FER1L6: variants seen among roughly 807,000 people sequenced by gnomAD.
FER1L6 encodes the protein fer-1 like family member 6, also known as fer-1-like protein 6.
In FER1L6, 177 loss-of-function variants were observed where a neutral mutation model predicts 219.2. The ratio of observed to expected loss-of-function variants is 0.81; its 90% CI spans 0.71 to 0.91. The LOEUF (loss-of-function observed/expected upper bound fraction) is 0.91. Ranked by LOEUF, FER1L6 falls within the 40% of genes least tolerant of loss-of-function variation. The pLI, the probability that FER1L6 is intolerant of heterozygous loss-of-function variation, is 0.00. For missense variants in FER1L6, 2,153 were observed against 2,259.9 expected, an observed-to-expected ratio of 0.95 and a Z score of 0.96; for synonymous variants, 768 against 824.3, an observed-to-expected ratio of 0.93 and a Z score of 1.17.
At chr8:124,095,706 C>T (rs111468519) in intron 35 of FER1L6, among the ~76,000 whole-genome samples, 2 of 152,062 alleles carry the variant, frequency 1.3e-5, no homozygotes, top group Non-Finnish European at 2.9e-5. Flanking sequence ...GGAGTGAACG[C>T]GGGCACTGTT....
intron 21 of FER1L6, among the ~76,000 whole-genome samples, chr8:124,046,996 G>A (rs958666275): frequency 6.6e-6 from 1 of 152,214 alleles, no homozygotes; most frequent in Non-Finnish European, 1.5e-5. Flanking sequence ...ATTTATGGAA[G>A]AGGATTTCTA....
intron 39 of FER1L6, among the ~76,000 whole-genome samples, chr8:124,116,729 A>C (rs1823264695): frequency 6.6e-6 from 1 of 152,214 alleles, no homozygotes; most frequent in African/African-American, 2.4e-5. Flanking sequence ...ACTCTACTTC[A>C]AATTAGAAGA....
chr8:124,115,616 C>T (rs1474250103), intron 39 of FER1L6, among the ~76,000 whole-genome samples: 5 of 152,174 alleles, frequency 3.3e-5, no homozygotes, highest in Non-Finnish European at 5.9e-5. Context: ...TTCTGTTAAA[C>T]TGCATGTTTC....
At chr8:124,008,345 T>G (rs1817761799) in intron 13 of FER1L6, among the ~76,000 whole-genome samples, 1 of 152,220 alleles carries the variant, frequency 6.6e-6, no homozygotes. Flanking sequence ...TATCCACTCA[T>G]TGATTGATGG....
At chr8:124,046,401 C>A in intron 21 of FER1L6, 1 of 152,890 alleles carries the variant, frequency 6.5e-6, no homozygotes, top group Non-Finnish European at 1.5e-5. Flanking sequence ...TAATCTCTAT[C>A]CCTTTTCTTT....
intron 1 of FER1L6, among the ~76,000 whole-genome samples, chr8:123,937,433 G>A (rs892458655): frequency 3.3e-5 from 5 of 152,124 alleles, no homozygotes; most frequent in African/African-American, 9.7e-5. Flanking sequence ...CAATGGGTGA[G>A]GTCACATAGT....
chr8:123,944,400 A>G (rs926870141), intron 1 of FER1L6, among the ~76,000 whole-genome samples: 5 of 151,526 alleles, frequency 3.3e-5, no homozygotes, highest in Non-Finnish European at 7.4e-5. Flanking sequence ...AAGGAGAAGC[A>G]TTCAGTCAAT....
At chr8:123,878,281 C>T (rs1254751520) in intron 1 of FER1L6, among the ~76,000 whole-genome samples, 1 of 152,070 alleles carries the variant, frequency 6.6e-6, no homozygotes, top group African/African-American at 2.4e-5. Context: ...CATTTTTGCT[C>T]CCAAATACAC....
chr8:123,928,924 A>AG (rs1298375164), intron 1 of FER1L6, among the ~76,000 whole-genome samples: 1 of 152,192 alleles, frequency 6.6e-6, no homozygotes, highest in Non-Finnish European at 1.5e-5. Context: ...CACCCAGGCA[A>AG]GGTGTTTTTA....
intron 18 of FER1L6, among the ~76,000 whole-genome samples, chr8:124,028,404 C>G (rs1313176830): frequency 1.3e-5 from 2 of 152,152 alleles, no homozygotes; most frequent in African/African-American, 2.4e-5. Context: ...CACCCACCAT[C>G]TCTCTTTATG....
intron 39 of FER1L6, 79 bp downstream of exon 39, chr8:124,103,388 C>T: frequency 7.1e-7 from 1 of 1,409,882 alleles, no homozygotes; most frequent in Non-Finnish European, 9.8e-7. Context: ...ATTTTGTGAA[C>T]TTCAAGTAAA....
At chr8:124,103,439 C>A in intron 39 of FER1L6, 130 bp downstream of exon 39, 1 of 855,846 alleles carries the variant, frequency 1.2e-6, no homozygotes, top group Non-Finnish European at 1.8e-6. Flanking sequence ...AGAGGTTCTG[C>A]TAAGAAGCAA....
chr8:123,913,289 G>T (rs1813092460), intron 1 of FER1L6, among the ~76,000 whole-genome samples: 1 of 152,044 alleles, frequency 6.6e-6, no homozygotes. Context: ...TCCATTCATA[G>T]AAAAACTTAC....
At chr8:123,944,262 A>G (rs1814384908) in intron 1 of FER1L6, among the ~76,000 whole-genome samples, 1 of 149,414 alleles carries the variant, frequency 6.7e-6, no homozygotes, top group Non-Finnish European at 1.5e-5. Flanking sequence ...TGTTAGATAT[A>G]TTTAACAAAT....
At position 124,064,389 on chromosome 8, in the gene FER1L6, A is replaced by C. The variant is rs753118045; in HGVS notation, c.3371A>C (p.His1124Pro). ...ACAGCCACTGAGTCCTCTGGAGCCCACAGCTCCTCCCAGGATCCCCCAGCA... is the reference window on the plus strand; with the variant it reads ...ACAGCCACTGAGTCCTCTGGAGCCCCCAGCTCCTCCCAGGATCCCCCAGCA... Reference protein sequence around the residue: ...SLTATESSGAHSSSQDPPADH... With the variant: ...SLTATESSGAPSSSQDPPADH... Residue 1124 changes from histidine (H) to proline (P), a missense_variant, in exon 26 of 41, where the codon CAC becomes CCC. Transcript: ENST00000522917. 1.2e-6 allele frequency: 2 copies of C among 1,613,062 alleles called. No homozygotes were observed. The highest frequency in any genetic ancestry group is 1.7e-6 in the Non-Finnish European group (2 of 1,179,690).
At chr8:123,898,812 T>TATATACATATGTGTATAAATATAC (rs1554613199) in intron 1 of FER1L6, among the ~76,000 whole-genome samples, 1 of 138,494 alleles carries the variant, frequency 7.2e-6, no homozygotes, top group Non-Finnish European at 1.5e-5. Context: ...TACACATATA[T>TATATACATATGTGTATAAATATAC]ATACATATGT....
At chr8:124,074,207 A>T (rs536850279) in intron 31 of FER1L6, among the ~76,000 whole-genome samples, 36 of 152,342 alleles carry the variant, frequency 2.4e-4, no homozygotes, top group Admixed American at 1.6e-3. Flanking sequence ...ACTCTCAGAA[A>T]AGATCATCAT....
chr8:123,990,501 G>T (rs115942995), intron 12 of FER1L6, among the ~76,000 whole-genome samples: 4,103 of 152,092 alleles, frequency 0.027, 108 homozygotes, highest in African/African-American at 0.071. Flanking sequence ...TTTTTCATAT[G>T]TTTATTGGCC....
At chr8:123,926,848 A>G (rs1168551161) in intron 1 of FER1L6, among the ~76,000 whole-genome samples, 3 of 152,186 alleles carry the variant, frequency 2.0e-5, no homozygotes, top group Non-Finnish European at 4.4e-5. Context: ...ACATTTTACT[A>G]TGAAATATTA....
Sources: gnomAD v4.1 joint callset for allele counts (sites outside exome capture counted in the v4.1 genomes callset) on GRCh38, gnomAD v4.1.1 for gene constraint, MANE v1.5 for transcripts, NCBI Gene and HGNC (gene_info 2026-07-23, HGNC 2026-07-21) for gene names.